Variants in AGBL5 observed in about 807,000 individuals in gnomAD.
AGBL5 encodes AGBL carboxypeptidase 5, also known as cytosolic carboxypeptidase-like protein 5.
In AGBL5, 51 loss-of-function variants were observed where a neutral mutation model predicts 88.0. The observed-to-expected ratio is 0.58, with a 90% CI of 0.46 to 0.73. AGBL5 has a LOEUF of 0.73. Among genes scored for constraint, AGBL5 ranks in the 30% least tolerant of loss-of-function variants. The pLI is 0.00. For missense variants in AGBL5, 1,031 were observed against 1,162.2 expected, an observed-to-expected ratio of 0.89 and a Z score of 1.64; for synonymous variants, 446 against 438.8, an observed-to-expected ratio of 1.02 and a Z score of -0.21.
At position 27,070,269 on chromosome 2, in the gene AGBL5, C is replaced by T; in HGVS notation, c.*6C>T. 1 of 1,613,898 alleles carries T rather than the reference C, an allele frequency of 6.2e-7. No individual in the cohort carries two copies. ...CTGTTTCTCCCCGGGTCTGATAATG[C>T]CTTTATGTTCAAGCCCAGGATATAG... On this transcript the variant is annotated 3_prime_UTR_variant, in exon 15 of 15. Transcript: ENST00000360131.
At chr2:27,059,146 A>G (rs1183537550) in intron 10 of AGBL5, 44 bp from the exon 11 acceptor site, 1 of 1,587,212 alleles carries the variant, frequency 6.3e-7, no homozygotes, top group South Asian at 1.1e-5. Flanking sequence ...GCCTTAGGAC[A>G]CAACCTTCCT....
chr2:27,055,669 T>C lies in AGBL5; in HGVS notation c.909-13T>C, dbSNP rs557002163. 14 of 1,605,558 alleles carry C rather than the reference T, an allele frequency of 8.7e-6. No individual in the cohort carries two copies. The East Asian group carries it at 3.1e-4, about 36-fold the overall frequency. On this transcript the variant is annotated splice_polypyrimidine_tract_variant and intron_variant, in intron 6 of 14. Transcript: ENST00000360131. ...GTCCTCTAGAACCTGCTTCAGTCCT[T>C]GTTTTCCTACAGCACAGACTCACGT... is the stretch of plus-strand genomic sequence containing the variant.
intron 9 of AGBL5, among the ~76,000 whole-genome samples, 186 bp downstream of exon 9, chr2:27,057,624 C>T (rs1218588972): frequency 6.6e-6 from 1 of 152,204 alleles, no homozygotes; most frequent in Non-Finnish European, 1.5e-5. Flanking sequence ...AAAGGATGAA[C>T]AGGCACTATA....
In AGBL5 at chr2:27,053,349, C is replaced by T. The variant is rs980084955; in HGVS notation, c.216-53C>T. 6.3e-6 allele frequency: 10 copies of T among 1,587,572 alleles called. No individual in the cohort carries two copies. In the African/African-American group the frequency reaches 1.3e-4, roughly 21 times the overall value. On this transcript the variant is annotated intron_variant, in intron 2 of 14. Transcript: ENST00000360131. The surrounding 1 kb of genome is among the most constrained non-coding windows in gnomAD (Gnocchi z 4.9). ...GGCTGGCTCCGGCTCTCCCACAGAC[C>T]ATATCTCCAACCCTTCCACACGTAA...
intron 11 of AGBL5, among the ~76,000 whole-genome samples, chr2:27,064,345 G>A (rs1668871539): frequency 6.6e-6 from 1 of 151,282 alleles, no homozygotes; most frequent in African/African-American, 2.4e-5. Flanking sequence ...ACCCAGGCTG[G>A]AGTGCAGTGG....
intron 11 of AGBL5, 150 bp downstream of exon 11, chr2:27,059,554 A>C: frequency 6.7e-7 from 1 of 1,502,958 alleles, no homozygotes; most frequent in Non-Finnish European, 8.9e-7. Context: ...CTCTCCTACG[A>C]CCTTGGTGTT....
At chr2:27,067,276 C>T (rs1198377630) in intron 11 of AGBL5, among the ~76,000 whole-genome samples, 2 of 129,776 alleles carry the variant, frequency 1.5e-5, no homozygotes, top group Non-Finnish European at 3.3e-5. Flanking sequence ...AAAAAAAAAA[C>T]TAGCAGGATG....
At chr2:27,060,457 G>A (rs183012652) in intron 11 of AGBL5, among the ~76,000 whole-genome samples, 2 of 152,312 alleles carry the variant, frequency 1.3e-5, no homozygotes, top group East Asian at 3.9e-4. Flanking sequence ...CTGGAAATAC[G>A]CTAAACCACA....
At chr2:27,057,224 T>A (rs6711384) in intron 8 of AGBL5, 79 bp from the exon 9 acceptor site, 1,009,695 of 1,476,328 alleles carry the variant, frequency 0.68, 351,611 homozygotes, top group East Asian at 0.94. Context: ...TTGCCTCCTT[T>A]GACCACCTAA....
chr2:27,057,123 ACT>A (rs775621095), intron 8 of AGBL5, 178 bp from the exon 9 acceptor site: 14 of 621,712 alleles, frequency 2.3e-5, no homozygotes, highest in Non-Finnish European at 3.7e-5. Flanking sequence ...CCTTGGGGGG[ACT>A]CTCTGGGTAT....
Position 27,067,577 on chromosome 2 carries a change from AC to A in AGBL5, c.2174del (p.Thr725IlefsTer41). 1 of 1,614,116 alleles carries A rather than the reference AC, an allele frequency of 6.2e-7. No individual in the cohort carries two copies. Among genetic ancestry groups the A allele is most frequent in the Non-Finnish European group, 8.5e-7 (1 of 1,180,024 alleles). ...AGSLAPSPAP[T>X]SSGPASSHKL... ...CAGCCTCGCTCCATCCCCAGCTCCT[AC>A]TAGTTCTGGCCCAGCCTCCTCACAC... On this transcript the variant is annotated frameshift_variant, in exon 12 of 15. Transcript: ENST00000360131. LOFTEE classifies it high-confidence loss of function.
At chr2:27,058,364 G>T (rs1332032488) in intron 9 of AGBL5, 36 bp from the exon 10 acceptor site, 9 of 1,610,806 alleles carry the variant, frequency 5.6e-6, no homozygotes, top group South Asian at 2.2e-5. Flanking sequence ...TGGATGGGAG[G>T]ACCAGCATGC....
upstream of AGBL5, among the ~76,000 whole-genome samples, chr2:27,051,235 G>A (rs938615178): frequency 6.6e-6 from 1 of 152,194 alleles, no homozygotes; most frequent in South Asian, 2.1e-4. Context: ...TCAAATGGTA[G>A]AGCGCTCGCT....
At chr2:27,054,319 GTT>G (rs746799918) in intron 4 of AGBL5, 248 of 553,396 alleles carry the variant, frequency 4.5e-4, no homozygotes, top group Middle Eastern at 4.7e-4. Context: ...ATTATCCAGA[GTT>G]TAGCCAGCAT....
chr2:27,057,338 C>T lies in AGBL5; in HGVS notation c.1571C>T (p.Ser524Leu). The part of the protein sequence containing the change: ...TLECNYNTGR[S>L]VNSIPAACHD... Reference sequence around the variant, plus strand: ...GAATGCAACTACAACACTGGACGCTCAGTAAACAGCATCCCTGCTGCCTGC... The same window carrying T: ...GAATGCAACTACAACACTGGACGCTTAGTAAACAGCATCCCTGCTGCCTGC... The change falls in exon 9 of 15, where the codon TCA (serine) becomes TTA (leucine). Residue 524 changes from serine (S) to leucine (L), a missense_variant. Coordinates refer to ENST00000360131, the MANE Select transcript of AGBL5 (RefSeq NM_021831.6). The T allele has an allele frequency of 6.2e-7, 1 of 1,614,030 alleles. No individual in the cohort carries two copies. The highest frequency in any genetic ancestry group is 8.5e-7 in the Non-Finnish European group (1 of 1,179,956).
intron 6 of AGBL5, 30 bp downstream of exon 6, chr2:27,055,283 G>A: frequency 4.4e-6 from 7 of 1,605,390 alleles, no homozygotes; most frequent in Non-Finnish European, 6.0e-6. Flanking sequence ...TGTCTGGACT[G>A]TTCCCATTTC....
chr2:27,053,618 T>C lies in AGBL5; in HGVS notation c.387+45T>C, dbSNP rs779849564. On this transcript the variant is annotated intron_variant, in intron 3 of 14. Transcript: ENST00000360131. The surrounding 1 kb of genome is among the most constrained non-coding windows in gnomAD (Gnocchi z 4.9). The stretch of plus-strand genomic sequence containing the variant: ...GAAAGAAAGACTTGGGTGCTAAAAG[T>C]AGAGAGGAAAGTAAAGCGTTTTTTT... The C allele has an allele frequency of 1.2e-5, 19 of 1,575,536 alleles. No homozygotes were observed. The highest frequency in any genetic ancestry group is 2.2e-5 in the East Asian group (1 of 44,470).
chr2:27,053,335 G>A lies in AGBL5; in HGVS notation c.216-67G>A. 6.4e-7 allele frequency: 1 copy of A among 1,568,124 alleles called. No homozygotes were observed. The highest frequency in any genetic ancestry group is 1.2e-5 in the South Asian group (1 of 83,256). On this transcript the variant is annotated intron_variant, in intron 2 of 14. Transcript: ENST00000360131. This position sits in a 1 kb window ranked among gnomAD's most constrained non-coding sequence, Gnocchi z 4.9. ...CCCTTTCCCAGTTTGGCTGGCTCCG[G>A]CTCTCCCACAGACCATATCTCCAAC...
intron 6 of AGBL5, 42 bp from the exon 7 acceptor site, chr2:27,055,640 C>T (rs777264819): frequency 1.9e-6 from 3 of 1,570,668 alleles, no homozygotes; most frequent in East Asian, 2.2e-5. Flanking sequence ...CCTTCACTGG[C>T]CCAGTCCTCT....
Sources: allele counts gnomAD v4.1 joint callset (sites outside exome capture counted in the v4.1 genomes callset), GRCh38; gene constraint gnomAD v4.1.1; non-coding constraint Gnocchi (gnomAD v3.1); transcripts MANE v1.5; gene names NCBI Gene and HGNC (gene_info 2026-07-23, HGNC 2026-07-21).